Variants in RGS7 observed in about 807,000 individuals in gnomAD.
RGS7 encodes regulator of G-protein signaling 7.
In RGS7, 27 loss-of-function variants were observed where a neutral mutation model predicts 81.1. The ratio of observed to expected loss-of-function variants is 0.33; its 90% confidence interval spans 0.25 to 0.46. The LOEUF (loss-of-function observed/expected upper bound fraction) is 0.46. Among genes scored for constraint, RGS7 ranks in the 20% least tolerant of loss-of-function variants. The probability of loss-of-function intolerance (pLI) is 1.00; values close to 1 mark genes in which losing one functional copy is unlikely to be tolerated. For synonymous variants in RGS7, 208 were observed against 207.7 expected (o/e 1.00, Z -0.01); for missense variants, 396 against 607.4 (o/e 0.65, Z 3.66).
At chr1:241,321,887 C>A (rs2081234569) in intron 2 of RGS7, among the ~76,000 whole-genome samples, 1 of 152,148 alleles carries the variant, frequency 6.6e-6, no homozygotes, top group Non-Finnish European at 1.5e-5. Flanking sequence ...AATTCAAGCT[C>A]CTCACAAACT....
chr1:240,861,841 T>C (rs1662255526), intron 9 of RGS7, among the ~76,000 whole-genome samples: 1 of 152,094 alleles, frequency 6.6e-6, no homozygotes. Flanking sequence ...GTGCAGAGGA[T>C]TGGGCACAAA....
intron 2 of RGS7, among the ~76,000 whole-genome samples, chr1:241,186,001 A>G (rs1472849620): frequency 6.6e-6 from 1 of 152,182 alleles, no homozygotes; most frequent in East Asian, 1.9e-4. Context: ...TGAAAGCAAG[A>G]AAACAAACAA....
intron 6 of RGS7, among the ~76,000 whole-genome samples, chr1:240,882,965 C>T (rs540333654): frequency 6.6e-6 from 1 of 152,260 alleles, no homozygotes; most frequent in African/African-American, 2.4e-5. Context: ...TTGTTCAATT[C>T]CCACCTATGA....
intron 4 of RGS7, among the ~76,000 whole-genome samples, chr1:240,967,581 G>GGGA (rs1553370026): frequency 9.3e-5 from 13 of 139,090 alleles, no homozygotes; most frequent in African/African-American, 3.1e-4. Flanking sequence ...GGGGGGGGGG[G>GGGA]AAAAGGCTGT....
chr1:240,920,800 T>C (rs1487004880), intron 6 of RGS7, among the ~76,000 whole-genome samples: 1 of 152,168 alleles, frequency 6.6e-6, no homozygotes, highest in Non-Finnish European at 1.5e-5. Flanking sequence ...TGACTAATTG[T>C]ATGACAGGTT....
chr1:241,274,416 T>C (rs2078082457), intron 2 of RGS7, among the ~76,000 whole-genome samples: 1 of 152,226 alleles, frequency 6.6e-6, no homozygotes, highest in Non-Finnish European at 1.5e-5. Flanking sequence ...GCAAAGATTA[T>C]ACAAATAAAA....
At chr1:240,878,839 T>G (rs982951874) in intron 6 of RGS7, among the ~76,000 whole-genome samples, 2 of 152,210 alleles carry the variant, frequency 1.3e-5, no homozygotes, top group African/African-American at 4.8e-5. Context: ...CTTATTTCCC[T>G]TAACTGCTGT....
intron 2 of RGS7, among the ~76,000 whole-genome samples, chr1:241,166,400 G>C (rs1394520827): frequency 6.6e-6 from 1 of 152,200 alleles, no homozygotes; most frequent in Non-Finnish European, 1.5e-5. Flanking sequence ...CTCCGGAGTA[G>C]ATCTGAGGTG....
intron 2 of RGS7, among the ~76,000 whole-genome samples, chr1:241,270,535 C>G (rs1490188195): frequency 6.6e-6 from 1 of 152,154 alleles, no homozygotes; most frequent in Admixed American, 6.5e-5. Context: ...ATGGCTGACA[C>G]AAAAACTGAA....
intron 9 of RGS7, among the ~76,000 whole-genome samples, chr1:240,844,042 T>C (rs530409040): frequency 3.3e-5 from 5 of 152,278 alleles, no homozygotes; most frequent in East Asian, 3.9e-4. Context: ...CTGAGTGTGT[T>C]TGTACACATT....
At chr1:240,914,589 C>A (rs1360264940) in intron 6 of RGS7, among the ~76,000 whole-genome samples, 1 of 152,094 alleles carries the variant, frequency 6.6e-6, no homozygotes, top group Non-Finnish European at 1.5e-5. Flanking sequence ...TGTAGAAATA[C>A]TGAAGAGGGT....
Position 241,342,938 on chromosome 1 carries a change from T to C in RGS7, c.78+12761A>G, listed in dbSNP as rs6671189. Reference sequence around the variant, plus strand: ...TGGAGATGTCAAATGGTGCAGCCACTAGAGAACACGGTATGGCAGTTCCTC... The same window carrying C: ...TGGAGATGTCAAATGGTGCAGCCACCAGAGAACACGGTATGGCAGTTCCTC... On this transcript the variant is annotated intron_variant, in intron 2 of 18. Coordinates refer to ENST00000440928, the MANE Select transcript of RGS7 (RefSeq NM_001364886.1). Among the ~76,000 whole-genome samples, 903 of 152,150 alleles carry C rather than the reference T, an allele frequency of 5.9e-3. 13 individuals are homozygous for C. The highest frequency in any genetic ancestry group is 0.021 in the African/African-American group (860 of 41,510).
At chr1:241,154,991 A>T (rs1317067139) in intron 2 of RGS7, among the ~76,000 whole-genome samples, 1 of 152,208 alleles carries the variant, frequency 6.6e-6, no homozygotes, top group East Asian at 1.9e-4. Flanking sequence ...AAGAAAAGGG[A>T]TTGTATTACA....
At chr1:240,965,167 T>C (rs1221397796) in intron 4 of RGS7, among the ~76,000 whole-genome samples, 4 of 152,218 alleles carry the variant, frequency 2.6e-5, no homozygotes, top group Non-Finnish European at 4.4e-5. Context: ...CTTAACTGTT[T>C]AATGATGTCA....
chr1:240,861,936 G>A (rs1348084326), intron 9 of RGS7, among the ~76,000 whole-genome samples: 2 of 152,048 alleles, frequency 1.3e-5, no homozygotes, highest in Non-Finnish European at 2.9e-5. Flanking sequence ...GTTAATACAA[G>A]CTACTAACGC....
intron 9 of RGS7, among the ~76,000 whole-genome samples, chr1:240,856,216 G>A (rs955684650): frequency 3.3e-5 from 5 of 152,040 alleles, no homozygotes; most frequent in Admixed American, 6.6e-5. Context: ...GTCTTTATGC[G>A]TGAAAAGTTC....
chr1:241,056,306 A>T (rs74982426), intron 3 of RGS7, among the ~76,000 whole-genome samples: 3,419 of 152,264 alleles, frequency 0.022, 129 homozygotes, highest in African/African-American at 0.076. Context: ...TCTTATCTCT[A>T]AAGTAACACC....
intron 2 of RGS7, among the ~76,000 whole-genome samples, chr1:241,147,224 A>G (rs1209614857): frequency 1.3e-5 from 2 of 152,214 alleles, no homozygotes; most frequent in Non-Finnish European, 2.9e-5. Flanking sequence ...TGCAGAGATT[A>G]TTATAAAAAT....
intron 4 of RGS7, among the ~76,000 whole-genome samples, chr1:240,971,605 T>C (rs994801425): frequency 1.3e-5 from 2 of 152,214 alleles, no homozygotes; most frequent in Non-Finnish European, 2.9e-5. Context: ...GCATTATTTA[T>C]AATATAAAAT....
Sources: allele counts gnomAD v4.1 joint callset (sites outside exome capture counted in the v4.1 genomes callset), GRCh38; gene constraint gnomAD v4.1.1; transcripts MANE v1.5; gene names NCBI Gene and HGNC (gene_info 2026-07-23, HGNC 2026-07-21).